EEFSEC: variants seen among roughly 807,000 people sequenced by gnomAD.
EEFSEC encodes the protein selenocysteine-specific elongation factor.
In EEFSEC, 43 loss-of-function variants were observed where a neutral mutation model predicts 42.1. The observed-to-expected ratio is 1.02, with a 90% confidence interval of 0.80 to 1.32. The LOEUF (loss-of-function observed/expected upper bound fraction) is 1.32. EEFSEC is among the 40% of genes most tolerant of loss of function. EEFSEC has a pLI of 0.00. For synonymous variants in EEFSEC, 354 were observed against 339.1 expected, an observed-to-expected ratio of 1.04 and a Z score of -0.48; for missense variants, 745 against 803.6, an observed-to-expected ratio of 0.93 and a Z score of 0.88.
At chr3:128,346,128 G>A (rs1175141925) in intron 5 of EEFSEC, among the ~76,000 whole-genome samples, 1 of 152,214 alleles carries the variant, frequency 6.6e-6, no homozygotes, top group Non-Finnish European at 1.5e-5. Context: ...CTGGAAGCTG[G>A]TCAGGTACCC....
At chr3:128,426,167 G>A in the EEFSEC span, among the ~76,000 whole-genome samples, 1 of 152,232 alleles carries the variant, frequency 6.6e-6, no homozygotes, top group Admixed American at 6.5e-5. Context: ...GCGGGGCAGA[G>A]CCAGCACTTG....
At chr3:128,294,137 G>A (rs186619446) in intron 4 of EEFSEC, among the ~76,000 whole-genome samples, 47 of 152,320 alleles carry the variant, frequency 3.1e-4, no homozygotes, top group East Asian at 2.3e-3. Flanking sequence ...TGCTCTTGCA[G>A]GGGTATTGTG....
chr3:128,222,137 G>A (rs1446443965), intron 1 of EEFSEC, among the ~76,000 whole-genome samples: 8 of 149,192 alleles, frequency 5.4e-5, no homozygotes, highest in African/African-American at 1.5e-4. Context: ...GGGTTCAAGC[G>A]ATTCTCATGC....
chr3:128,231,940 G>A (rs1408842210), intron 1 of EEFSEC, among the ~76,000 whole-genome samples: 6 of 152,274 alleles, frequency 3.9e-5, no homozygotes, highest in East Asian at 1.9e-4. Context: ...GATTTCAGGC[G>A]TCGCTGATGG....
chr3:128,379,240 C>T (rs931556017), intron 6 of EEFSEC, among the ~76,000 whole-genome samples: 12 of 152,288 alleles, frequency 7.9e-5, no homozygotes, highest in East Asian at 5.8e-4. Flanking sequence ...CTTTACCAAG[C>T]GCAGAGAGCA....
intron 4 of EEFSEC, among the ~76,000 whole-genome samples, chr3:128,337,908 A>G (rs1287135952): frequency 6.6e-6 from 1 of 152,254 alleles, no homozygotes; most frequent in Admixed American, 6.5e-5. Flanking sequence ...GTTCAACTCC[A>G]GGAACTGTGT....
chr3:128,398,056 G>A (rs1191442847), intron 6 of EEFSEC, among the ~76,000 whole-genome samples: 2 of 152,252 alleles, frequency 1.3e-5, no homozygotes, highest in Non-Finnish European at 2.9e-5. Context: ...CAGAAGGTGG[G>A]TGGGGGAGCT....
At chr3:128,165,301 C>T (rs2065233045) in intron 1 of EEFSEC, among the ~76,000 whole-genome samples, 1 of 152,258 alleles carries the variant, frequency 6.6e-6, no homozygotes, top group African/African-American at 2.4e-5. Context: ...CAGACCTTAG[C>T]ACATGCCTGC....
chr3:128,293,660 C>CAAAAGAAAAAAA (rs2066668694), intron 4 of EEFSEC, among the ~76,000 whole-genome samples: 1 of 14,142 alleles, frequency 7.1e-5, no homozygotes, highest in African/African-American at 1.4e-4. Context: ...GACTCTATCT[C>CAAAAGAAAAAAA]AAAAAAAAAA....
intron 4 of EEFSEC, among the ~76,000 whole-genome samples, chr3:128,325,059 A>G (rs1449622889): frequency 1.3e-5 from 2 of 152,184 alleles, no homozygotes; most frequent in Non-Finnish European, 2.9e-5. Context: ...CAGGCAGGGC[A>G]GGCCCCCAAC....
rs561651646 is a variant in EEFSEC at position 128,257,609 on chromosome 3, G to A, written c.525-4519G>A. ...CACCTAGTTTAACACCAGATTTTAA[G>A]GAGATTTGTCTTTATCACACCTTTC... On this transcript the variant is annotated intron_variant, in intron 2 of 6. Coordinates refer to ENST00000254730, the MANE Select transcript of EEFSEC (RefSeq NM_021937.5). Among the ~76,000 whole-genome samples, 106 of 152,312 alleles carry A rather than the reference G, an allele frequency of 7.0e-4. 1 individual carries two copies. Among genetic ancestry groups the A allele is most frequent in the African/African-American group, 2.4e-3 (99 of 41,580 alleles).
chr3:128,374,103 C>T (rs1049661849), intron 6 of EEFSEC, among the ~76,000 whole-genome samples: 1 of 152,234 alleles, frequency 6.6e-6, no homozygotes, highest in African/African-American at 2.4e-5. Context: ...CTATCATTAG[C>T]TCTGGAGGGT....
In EEFSEC at chr3:128,153,486, T is replaced by A. The variant is rs1432556847; in HGVS notation, c.-22T>A. ...GGAGGTGAGGGGCGGGCCGGGCGGG[T>A]GTCCGAGGCGGCGGCGGCGGCATGG... On this transcript the variant is annotated 5_prime_UTR_variant, in exon 1 of 7. Coordinates refer to ENST00000254730, the MANE Select transcript of EEFSEC (RefSeq NM_021937.5). The A allele has an allele frequency of 1.4e-6, 2 of 1,460,558 alleles. No individual in the cohort carries two copies. Among genetic ancestry groups the A allele is most frequent in the Admixed American group, 4.8e-5 (2 of 41,308 alleles). 90.5% of individuals were successfully genotyped at this position (1,460,558 alleles called of 1,614,324 possible).
chr3:128,234,342 C>T (rs914498546), intron 1 of EEFSEC, among the ~76,000 whole-genome samples: 6 of 152,142 alleles, frequency 3.9e-5, no homozygotes, highest in East Asian at 1.9e-4. Flanking sequence ...CATGAGCCAC[C>T]GCTCCCAGCC....
intron 4 of EEFSEC, among the ~76,000 whole-genome samples, chr3:128,280,712 C>T (rs1319662998): frequency 1.3e-5 from 2 of 152,240 alleles, no homozygotes; most frequent in Non-Finnish European, 2.9e-5. Context: ...CAAGCTGGGG[C>T]TCGCACAGCA....
intron 4 of EEFSEC, among the ~76,000 whole-genome samples, chr3:128,322,033 C>A (rs2108039720): frequency 6.6e-6 from 1 of 152,360 alleles, no homozygotes; most frequent in African/African-American, 2.4e-5. Context: ...CTCTCTGTCC[C>A]CTCACTGAGT....
intron 1 of EEFSEC, among the ~76,000 whole-genome samples, chr3:128,188,654 T>C (rs1332305345): frequency 6.6e-6 from 1 of 152,234 alleles, no homozygotes; most frequent in Admixed American, 6.5e-5. Context: ...TCGCATCTAA[T>C]TGACTATTTC....
intron 5 of EEFSEC, among the ~76,000 whole-genome samples, chr3:128,344,257 G>A (rs2067287387): frequency 6.6e-6 from 1 of 152,244 alleles, no homozygotes; most frequent in Non-Finnish European, 1.5e-5. Flanking sequence ...TACTGATTAA[G>A]CATATACTAT....
At chr3:128,253,020 T>A (rs2066203809) in intron 2 of EEFSEC, among the ~76,000 whole-genome samples, 1 of 152,190 alleles carries the variant, frequency 6.6e-6, no homozygotes, top group African/African-American at 2.4e-5. Context: ...GAGCTGGGTC[T>A]CCCTTGTACA....
Sources: allele counts gnomAD v4.1 joint callset (sites outside exome capture counted in the v4.1 genomes callset), GRCh38; gene constraint gnomAD v4.1.1; transcripts MANE v1.5; gene names NCBI Gene and HGNC (gene_info 2026-07-23, HGNC 2026-07-21).